Variants in FBN1 observed in about 807,000 individuals in gnomAD.
The protein encoded by FBN1 is fibrillin-1.
FBN1 carries 29 observed loss-of-function variants against 365.1 expected under a neutral mutation model. The observed-to-expected ratio is 0.08, with a 90% CI of 0.06 to 0.11. The LOEUF (loss-of-function observed/expected upper bound fraction) is 0.11. Among genes scored for constraint, FBN1 ranks in the 10% least tolerant of loss-of-function variants. The probability of loss-of-function intolerance (pLI) is 1.00; values close to 1 mark genes in which losing one functional copy is unlikely to be tolerated. For missense variants in FBN1, 2,476 were observed against 3,703.2 expected (o/e 0.67, Z 8.60); for synonymous variants, 1,210 against 1,270.5 (o/e 0.95, Z 1.01).
chr15:48,558,628 C>T (rs1237825036), intron 6 of FBN1, among the ~76,000 whole-genome samples: 2 of 152,120 alleles, frequency 1.3e-5, no homozygotes, highest in East Asian at 1.9e-4. Flanking sequence ...TATCTGGCTA[C>T]AGCACATACT....
intron 9 of FBN1, among the ~76,000 whole-genome samples, chr15:48,522,198 T>C (rs544689213): frequency 1.2e-4 from 18 of 152,320 alleles, no homozygotes; most frequent in Admixed American, 5.9e-4. Context: ...AGGGCTTCCA[T>C]TGATCTACAT....
chr15:48,434,809 T>C, intron 53 of FBN1, 96 bp from the exon 54 acceptor site: 1 of 1,479,678 alleles, frequency 6.8e-7, no homozygotes, highest in Non-Finnish European at 9.3e-7. Flanking sequence ...GTTGTTGTTG[T>C]TGTTTTGAGA....
intron 65 of FBN1, among the ~76,000 whole-genome samples, chr15:48,411,791 A>G (rs960172051): frequency 2.0e-5 from 3 of 152,242 alleles, no homozygotes; most frequent in African/African-American, 7.2e-5. Flanking sequence ...AAGTTTGAGA[A>G]CCACTGTTTT....
chr15:48,569,320 A>C (rs12898572), intron 6 of FBN1, among the ~76,000 whole-genome samples: 19,786 of 152,130 alleles, frequency 0.13, 1,354 homozygotes, highest in Non-Finnish European at 0.15. Flanking sequence ...AAGACAGTAA[A>C]ATAGTTGTGA....
Position 48,421,528 on chromosome 15 carries a change from A to T in FBN1, c.7699+30T>A, listed in dbSNP as rs373724199. The T allele has an allele frequency of 1.9e-5, 31 of 1,608,522 alleles. No homozygotes were observed. The African/African-American group carries it at 4.0e-4, about 21-fold the overall frequency. ...CAGGCCACCTCCACAAGGATTCACCAGCTGGATCGCAGCTGAAGTCTCCAC... is the reference window on the plus strand; with the variant it reads ...CAGGCCACCTCCACAAGGATTCACCTGCTGGATCGCAGCTGAAGTCTCCAC... On this transcript the variant is annotated intron_variant, in intron 62 of 65. Transcript: ENST00000316623.
At chr15:48,490,317 C>T (rs1370533949) in intron 24 of FBN1, among the ~76,000 whole-genome samples, 2 of 152,266 alleles carry the variant, frequency 1.3e-5, no homozygotes, top group East Asian at 1.9e-4. Context: ...TCCCTTTCAA[C>T]ATCTGATAAT....
Position 48,644,878 on chromosome 15 carries a change from G to A in FBN1, c.-109C>T. ...CGCGCCGCCGGGGTCCCGCTATCCC[G>A]CCGCCCGTCCCCCGGGCCGGGCTCC... On this transcript the variant is annotated 5_prime_UTR_variant, in exon 2 of 66. Coordinates refer to ENST00000316623, the MANE Select transcript of FBN1 (RefSeq NM_000138.5). 2 of 1,119,814 alleles carry A rather than the reference G, an allele frequency of 1.8e-6. No individual in the cohort carries two copies. The highest frequency in any genetic ancestry group is 1.1e-6 in the Non-Finnish European group (1 of 880,702). 69.4% of individuals were successfully genotyped at this position (1,119,814 alleles called of 1,614,324 possible).
At chr15:48,480,771 G>T (rs1263777247) in intron 32 of FBN1, among the ~76,000 whole-genome samples, 12 of 152,138 alleles carry the variant, frequency 7.9e-5, no homozygotes, top group Middle Eastern at 3.4e-3. Flanking sequence ...TTGCCAAACT[G>T]GTTTTTGGAA....
chr15:48,517,334 A>G (rs1278805851), intron 10 of FBN1, among the ~76,000 whole-genome samples: 1 of 152,182 alleles, frequency 6.6e-6, no homozygotes, highest in African/African-American at 2.4e-5. Flanking sequence ...GAAGGGGAAG[A>G]GAAGGGAGTG....
rs371898247 is a variant in FBN1, at chr15:48,434,586, A to T, written c.6616+8T>A. The stretch of plus-strand genomic sequence containing the variant: ...CGTAATCAACTGTTCTCTGTTTAAG[A>T]GATGTACCTTCACATGTCATCATTG... On this transcript the variant is annotated splice_region_variant and intron_variant, in intron 54 of 65. Transcript: ENST00000316623. The T allele has an allele frequency of 1.5e-5, 24 of 1,613,530 alleles. No individual in the cohort carries two copies. Among genetic ancestry groups the T allele is most frequent in the Non-Finnish European group, 2.0e-5 (24 of 1,179,674 alleles).
chr15:48,420,929 G>T (rs2042936554), intron 62 of FBN1, 123 bp from the exon 63 acceptor site: 2 of 1,097,998 alleles, frequency 1.8e-6, no homozygotes, highest in African/African-American at 3.1e-5. Context: ...AAAACTTCAA[G>T]AATCTCTCTT....
intron 32 of FBN1, among the ~76,000 whole-genome samples, chr15:48,476,385 A>C (rs1597555149): frequency 6.6e-6 from 1 of 152,308 alleles, no homozygotes; most frequent in South Asian, 2.1e-4. Context: ...CATAAGTATC[A>C]AAGCCTCCAG....
intron 37 of FBN1, 94 bp downstream of exon 37, chr15:48,468,314 ATCAT>A: frequency 6.8e-7 from 1 of 1,475,750 alleles, no homozygotes; most frequent in Admixed American, 1.7e-5. Context: ...AAATTTCTGT[ATCAT>A]TCATTTTGCA....
intron 4 of FBN1, among the ~76,000 whole-genome samples, chr15:48,606,840 G>A (rs2044615669): frequency 6.6e-6 from 1 of 152,222 alleles, no homozygotes. Flanking sequence ...ATGGTATTAA[G>A]AGGTGGAACC....
chr15:48,550,929 T>C (rs1377683929), intron 6 of FBN1, among the ~76,000 whole-genome samples: 2 of 151,922 alleles, frequency 1.3e-5, no homozygotes, highest in African/African-American at 4.8e-5. Flanking sequence ...GCCTAGAATA[T>C]CCCCATGGGC....
intron 6 of FBN1, among the ~76,000 whole-genome samples, chr15:48,593,286 G>A (rs1018111847): frequency 2.0e-5 from 3 of 152,112 alleles, no homozygotes; most frequent in African/African-American, 7.2e-5. Flanking sequence ...AAAGTTCCAA[G>A]GTCTCCCAGG....
chr15:48,563,684 C>T (rs2044240551), intron 6 of FBN1, among the ~76,000 whole-genome samples: 1 of 152,146 alleles, frequency 6.6e-6, no homozygotes, highest in Non-Finnish European at 1.5e-5. Context: ...TCGTGGGTAT[C>T]ACTCTGTTAT....
chr15:48,433,048 C>G (rs1597522659), intron 54 of FBN1, 60 bp from the exon 55 acceptor site: 4 of 1,590,214 alleles, frequency 2.5e-6, no homozygotes, highest in Middle Eastern at 3.3e-4. Flanking sequence ...GGGAACCTAC[C>G]AATTGAACTA....
At chr15:48,598,930 A>G (rs1164374557) in intron 5 of FBN1, among the ~76,000 whole-genome samples, 1 of 152,162 alleles carries the variant, frequency 6.6e-6, no homozygotes, top group East Asian at 1.9e-4. Flanking sequence ...AGTAAGTCTC[A>G]CAAGATCTGA....
Sources: allele counts gnomAD v4.1 joint callset (sites outside exome capture counted in the v4.1 genomes callset), GRCh38; gene constraint gnomAD v4.1.1; transcripts MANE v1.5; gene names NCBI Gene and HGNC (gene_info 2026-07-23, HGNC 2026-07-21).